SYN2: variants seen among roughly 807,000 people sequenced by gnomAD.
The protein encoded by SYN2 is synapsin-2.
SYN2 carries 19 observed loss-of-function variants against 50.9 expected under a neutral mutation model. The ratio of observed to expected loss-of-function variants is 0.37; its 90% CI spans 0.26 to 0.55. The LOEUF is 0.55. Among genes scored for constraint, SYN2 ranks in the 20% least tolerant of loss-of-function variants. The probability of loss-of-function intolerance (pLI) is 0.81; values close to 1 mark genes in which losing one functional copy is unlikely to be tolerated. For synonymous variants in SYN2, 255 were observed against 224.9 expected, an observed-to-expected ratio of 1.13 and a Z score of -1.20; for missense variants, 587 against 576.4, an observed-to-expected ratio of 1.02 and a Z score of -0.19.
intron 1 of SYN2, among the ~76,000 whole-genome samples, chr3:12,107,783 A>C (rs1054983634): frequency 6.6e-6 from 1 of 152,180 alleles, no homozygotes; most frequent in Non-Finnish European, 1.5e-5. Context: ...CTTACTCATC[A>C]TCTCTGACTT....
chr3:12,107,539 G>T lies in SYN2; in HGVS notation c.378-33112G>T, dbSNP rs73015320. ...TCTCTGCTTAGTTCAGTTGCTAATG[G>T]TCATCCGGAGAGGTCATTCCCATCC... On this transcript the variant is annotated intron_variant, in intron 1 of 12. Transcript: ENST00000621198. Among the ~76,000 whole-genome samples the T allele has an allele frequency of 5.4e-3, 828 of 152,282 alleles. 7 individuals are homozygous for T. Among genetic ancestry groups the T allele is most frequent in the South Asian group, 0.013 (65 of 4,826 alleles).
Position 12,154,444 on chromosome 3 carries a change from G to T in SYN2, c.774+3118G>T, listed in dbSNP as rs374697285. On this transcript the variant is annotated intron_variant, in intron 5 of 12. Coordinates refer to ENST00000621198, the MANE Select transcript of SYN2 (RefSeq NM_133625.6). Reference sequence around the variant, plus strand: ...GGATGAAGACTTTTCCATCACTGAGGACCTGACCTTCAAGGGGAGATGGAG... The same window carrying T: ...GGATGAAGACTTTTCCATCACTGAGTACCTGACCTTCAAGGGGAGATGGAG... 6 of 1,614,074 alleles carry T rather than the reference G, an allele frequency of 3.7e-6. No individual in the cohort carries two copies. In the Middle Eastern group the frequency reaches 4.9e-4, roughly 133 times the overall value.
At chr3:12,065,176 G>A (rs958748378) in intron 1 of SYN2, among the ~76,000 whole-genome samples, 2 of 152,076 alleles carry the variant, frequency 1.3e-5, no homozygotes, top group African/African-American at 2.4e-5. Context: ...ATTCAGAATG[G>A]CTATTAAGAA....
intron 1 of SYN2, among the ~76,000 whole-genome samples, chr3:12,109,882 G>A (rs1397967922): frequency 6.6e-6 from 1 of 152,122 alleles, no homozygotes; most frequent in Non-Finnish European, 1.5e-5. Flanking sequence ...TAAAACCTCT[G>A]TATTTTCTTT....
intron 1 of SYN2, among the ~76,000 whole-genome samples, chr3:12,052,684 G>A (rs752033607): frequency 3.3e-5 from 5 of 152,160 alleles, no homozygotes; most frequent in African/African-American, 9.7e-5. Flanking sequence ...GACTAGAGGC[G>A]AGAAAACAAG....
chr3:12,044,572 A>G (rs551119785), intron 1 of SYN2, among the ~76,000 whole-genome samples: 5 of 152,272 alleles, frequency 3.3e-5, no homozygotes, highest in African/African-American at 4.8e-5. Flanking sequence ...AAACAATTAG[A>G]ACCCCTGAAA....
At position 12,070,717 on chromosome 3, in the gene SYN2, C is replaced by T. The variant is rs545562347; in HGVS notation, c.377+65789C>T. The stretch of plus-strand genomic sequence containing the variant: ...AATGGACCCTGGAGATGGGGTCACT[C>T]ATACAGTGCCCATCTACGAGGCCTA... On this transcript the variant is annotated intron_variant, in intron 1 of 12. Coordinates refer to ENST00000621198, the MANE Select transcript of SYN2 (RefSeq NM_133625.6). 28 of 937,424 alleles carry T rather than the reference C, an allele frequency of 3.0e-5. No homozygotes were observed. In the Admixed American group the frequency reaches 5.2e-4, roughly 17 times the overall value. The allele number at this position is 937,424 out of a possible 1,614,324, so 58.1% of individuals were successfully genotyped here. A position where few individuals can be genotyped will look rare whatever the true frequency, so the allele number is the denominator to read the frequency against.
intron 1 of SYN2, among the ~76,000 whole-genome samples, chr3:12,066,996 G>A (rs968038942): frequency 5.3e-5 from 8 of 152,040 alleles, no homozygotes; most frequent in African/African-American, 1.7e-4. Flanking sequence ...AGGGGGAAAA[G>A]CCCCTTATAT....
At chr3:12,034,617 G>C (rs1694454864) in intron 1 of SYN2, among the ~76,000 whole-genome samples, 1 of 152,132 alleles carries the variant, frequency 6.6e-6, no homozygotes, top group Non-Finnish European at 1.5e-5. Context: ...GGCATGACAT[G>C]GCATTACATT....
intron 10 of SYN2, among the ~76,000 whole-genome samples, chr3:12,171,479 G>A (rs1032259380): frequency 6.6e-6 from 1 of 152,098 alleles, no homozygotes; most frequent in Non-Finnish European, 1.5e-5. Flanking sequence ...AGAACATCTG[G>A]TAGTATCTTA....
chr3:12,116,571 T>C (rs1019484319), intron 1 of SYN2, among the ~76,000 whole-genome samples: 2 of 152,132 alleles, frequency 1.3e-5, no homozygotes, highest in Non-Finnish European at 2.9e-5. Context: ...TCTAGTCATA[T>C]GAGATGGGAT....
chr3:12,186,737 A>G (rs1482571418), intron 11 of SYN2, among the ~76,000 whole-genome samples: 4 of 152,182 alleles, frequency 2.6e-5, no homozygotes, highest in Admixed American at 1.3e-4. Context: ...GCTCCATAAA[A>G]CAGCATATGT....
At chr3:12,151,384 C>T in intron 5 of SYN2, 58 bp downstream of exon 5, 4 of 1,396,694 alleles carry the variant, frequency 2.9e-6, no homozygotes, top group Non-Finnish European at 4.0e-6. Flanking sequence ...CACTTAGCCA[C>T]CTGGTTATTG....
intron 3 of SYN2, among the ~76,000 whole-genome samples, chr3:12,144,686 G>A (rs1697104206): frequency 6.6e-6 from 1 of 152,168 alleles, no homozygotes; most frequent in Non-Finnish European, 1.5e-5. Context: ...AGAGGAGAGA[G>A]GAAATGTCAG....
intron 1 of SYN2, among the ~76,000 whole-genome samples, chr3:12,123,569 G>A (rs1299246275): frequency 1.3e-5 from 2 of 152,136 alleles, no homozygotes; most frequent in Non-Finnish European, 2.9e-5. Context: ...GGGAGTTCAA[G>A]GCCAACCTAG....
chr3:12,125,722 C>T (rs961806142), intron 1 of SYN2, among the ~76,000 whole-genome samples: 1 of 151,614 alleles, frequency 6.6e-6, no homozygotes, highest in Admixed American at 6.6e-5. Context: ...CTGTCCCAGA[C>T]AGGATGGACA....
At chr3:12,176,562 A>G (rs1698072889) in intron 10 of SYN2, among the ~76,000 whole-genome samples, 1 of 152,208 alleles carries the variant, frequency 6.6e-6, no homozygotes, top group Non-Finnish European at 1.5e-5. Flanking sequence ...GGTGTCCAGA[A>G]TGAAAATGAA....
chr3:12,130,237 CGT>C (rs34883251), intron 1 of SYN2, among the ~76,000 whole-genome samples: 12 of 149,222 alleles, frequency 8.0e-5, no homozygotes, highest in East Asian at 5.9e-4. Flanking sequence ...TCTCTGTGTG[CGT>C]GTGTGTGTGT....
At chr3:12,177,095 A>G (rs1185054422) in intron 10 of SYN2, among the ~76,000 whole-genome samples, 1 of 152,186 alleles carries the variant, frequency 6.6e-6, no homozygotes, top group African/African-American at 2.4e-5. Flanking sequence ...AGAATTCAGA[A>G]TTGAAGGACT....
Sources: gnomAD v4.1 joint callset for allele counts (sites outside exome capture counted in the v4.1 genomes callset) on GRCh38, gnomAD v4.1.1 for gene constraint, MANE v1.5 for transcripts, NCBI Gene and HGNC (gene_info 2026-07-23, HGNC 2026-07-21) for gene names.